OR10J1: variants seen among roughly 807,000 people sequenced by gnomAD.
OR10J1 encodes olfactory receptor family 10 subfamily J member 1.
For synonymous variants in OR10J1, 202 were observed against 143.8 expected (o/e 1.40, Z -2.89); for missense variants, 474 against 376.6 (o/e 1.26, Z -2.14).
At chr1:159,439,596 C>T (rs902146140), upstream of OR10J1, 11 of 664,512 alleles carry the variant, frequency 1.7e-5, no homozygotes, top group East Asian at 2.2e-4. Flanking sequence ...AAAATTATAA[C>T]AGATGGTCAC....
At chr1:159,435,035 C>A (rs1206147336), upstream of OR10J1, among the ~76,000 whole-genome samples, 2 of 152,170 alleles carry the variant, frequency 1.3e-5, no homozygotes, top group Admixed American at 6.5e-5. Context: ...AGGAAACTAA[C>A]TATTCTCCGA....
At chr1:159,399,298 G>A in the OR10J1 span, among the ~76,000 whole-genome samples, 4 of 152,066 alleles carry the variant, frequency 2.6e-5, no homozygotes, top group Non-Finnish European at 5.9e-5. Flanking sequence ...CTGGCCAGGC[G>A]CGATGGCTCA....
the OR10J1 span, among the ~76,000 whole-genome samples, chr1:159,412,579 A>G: frequency 1.4e-4 from 21 of 149,436 alleles, no homozygotes; most frequent in Non-Finnish European, 2.2e-4. Context: ...AAAAACAAGC[A>G]ATGGGGAAAG....
the OR10J1 span, among the ~76,000 whole-genome samples, chr1:159,420,133 T>C: frequency 3.3e-5 from 5 of 152,166 alleles, no homozygotes; most frequent in African/African-American, 4.8e-5. Context: ...GATATAAGTA[T>C]AGTTTTTTCC....
the OR10J1 span, chr1:159,405,696 A>T: frequency 1.6e-6 from 1 of 621,402 alleles, no homozygotes; most frequent in Non-Finnish European, 2.9e-6. Context: ...AAGCAATCTT[A>T]AGGATGGTGT....
chr1:159,404,000 A>G, the OR10J1 span, among the ~76,000 whole-genome samples: 1 of 152,166 alleles, frequency 6.6e-6, no homozygotes, highest in African/African-American at 2.4e-5. Flanking sequence ...CATTAAATGA[A>G]ATAAGCCAGG....
At chr1:159,400,908 A>T in the OR10J1 span, among the ~76,000 whole-genome samples, 8 of 152,030 alleles carry the variant, frequency 5.3e-5, no homozygotes, top group African/African-American at 1.4e-4. Flanking sequence ...AATTTAAATA[A>T]TATCAAGCAT....
chr1:159,410,677 GT>G, the OR10J1 span, among the ~76,000 whole-genome samples: 1 of 150,750 alleles, frequency 6.6e-6, no homozygotes, highest in Non-Finnish European at 1.5e-5. Context: ...TTTTTGAAGG[GT>G]TTTTTGTGTC....
the OR10J1 span, among the ~76,000 whole-genome samples, chr1:159,401,189 C>A: frequency 6.6e-6 from 1 of 151,004 alleles, no homozygotes; most frequent in Non-Finnish European, 1.5e-5. Context: ...AACAATGCAT[C>A]TTATAGAACT....
chr1:159,407,810 T>C, the OR10J1 span, among the ~76,000 whole-genome samples: 86 of 152,278 alleles, frequency 5.6e-4, no homozygotes, highest in African/African-American at 2.0e-3. Context: ...TCAAGGTCTA[T>C]GAATTCAATA....
chr1:159,409,219 C>T, the OR10J1 span, among the ~76,000 whole-genome samples: 4 of 152,038 alleles, frequency 2.6e-5, no homozygotes, highest in Non-Finnish European at 4.4e-5. Context: ...CTCACCAGGG[C>T]ATTTCCGCAG....
chr1:159,411,270 G>A, the OR10J1 span, among the ~76,000 whole-genome samples: 15 of 152,158 alleles, frequency 9.9e-5, no homozygotes, highest in African/African-American at 2.4e-4. Flanking sequence ...TTTCTGTCTC[G>A]TTGATCTGTC....
At chr1:159,412,964 C>T in the OR10J1 span, among the ~76,000 whole-genome samples, 8 of 152,036 alleles carry the variant, frequency 5.3e-5, no homozygotes, top group East Asian at 1.5e-3. Context: ...TATCCAGAAT[C>T]GACAATGAAC....
At chr1:159,398,497 GA>G in the OR10J1 span, among the ~76,000 whole-genome samples, 1 of 152,142 alleles carries the variant, frequency 6.6e-6, no homozygotes, top group African/African-American at 2.4e-5. Flanking sequence ...GAAACTCAAG[GA>G]AATTCAAGAT....
chr1:159,411,288 G>C, the OR10J1 span, among the ~76,000 whole-genome samples: 1 of 152,110 alleles, frequency 6.6e-6, no homozygotes, highest in Non-Finnish European at 1.5e-5. Flanking sequence ...GTCTAATGTT[G>C]ACAGTGGAGT....
chr1:159,421,695 T>C, the OR10J1 span, among the ~76,000 whole-genome samples: 3 of 152,136 alleles, frequency 2.0e-5, no homozygotes, highest in Admixed American at 1.3e-4. Context: ...CAGTGGCTTA[T>C]GGTGTAGTAG....
the OR10J1 span, among the ~76,000 whole-genome samples, chr1:159,429,104 T>A: frequency 2.8e-4 from 42 of 152,332 alleles, no homozygotes; most frequent in East Asian, 7.9e-3. Flanking sequence ...AAGAGGGGGC[T>A]ACAGAAATTA....
At chr1:159,402,164 G>GA in the OR10J1 span, among the ~76,000 whole-genome samples, 1 of 151,898 alleles carries the variant, frequency 6.6e-6, no homozygotes, top group African/African-American at 2.4e-5. Flanking sequence ...GCTGAATGGG[G>GA]AAAAACTGAA....
the OR10J1 span, among the ~76,000 whole-genome samples, chr1:159,398,030 T>A: frequency 6.6e-6 from 1 of 152,188 alleles, no homozygotes; most frequent in Admixed American, 6.5e-5. Context: ...CACCCCCAGC[T>A]GTAGGTGGCT....
Sources: gnomAD v4.1 joint callset for allele counts (sites outside exome capture counted in the v4.1 genomes callset) on GRCh38, gnomAD v4.1.1 for gene constraint, MANE v1.5 for transcripts, NCBI Gene and HGNC (gene_info 2026-07-23, HGNC 2026-07-21) for gene names.